The following PPP6R3 variants were observed in gnomAD, a reference collection of about 807,000 sequenced individuals.
The protein encoded by PPP6R3 is serine/threonine-protein phosphatase 6 regulatory subunit 3.
Under a neutral mutation model 110.7 loss-of-function variants are expected in PPP6R3, and 38 were observed. That is an observed-to-expected ratio of 0.34 (90% CI 0.26 to 0.45). PPP6R3 has a LOEUF of 0.45. Ranked by LOEUF, PPP6R3 falls within the 20% of genes least tolerant of loss-of-function variation. The probability of loss-of-function intolerance (pLI) is 1.00; values close to 1 mark genes in which losing one functional copy is unlikely to be tolerated. For missense variants in PPP6R3, 870 were observed against 1,062.4 expected, an observed-to-expected ratio of 0.82 and a Z score of 2.52; for synonymous variants, 369 against 373.5, an observed-to-expected ratio of 0.99 and a Z score of 0.14.
intron 1 of PPP6R3, among the ~76,000 whole-genome samples, chr11:68,499,393 G>A (rs764340778): frequency 6.6e-6 from 1 of 152,122 alleles, no homozygotes; most frequent in Non-Finnish European, 1.5e-5. Context: ...TTTTCACATC[G>A]GCTTTTGCCA....
rs973254900 is a variant in PPP6R3 at position 68,510,398 on chromosome 11, C to T, written c.-157-9103C>T. The stretch of plus-strand genomic sequence containing the variant: ...GGTAGCCCAGGCTGGAGTGCTGTGG[C>T]GCGACACAGTTTACCGTAGCCTCAA... On this transcript the variant is annotated intron_variant, in intron 1 of 23. Transcript: ENST00000393800. 1.4e-4 allele frequency among the ~76,000 whole-genome samples: 21 copies of T among 151,708 alleles called. No homozygotes were observed. In the South Asian group the frequency reaches 2.5e-3, roughly 18 times the overall value.
intron 8 of PPP6R3, among the ~76,000 whole-genome samples, chr11:68,562,486 C>T (rs2099428851): frequency 6.6e-6 from 1 of 152,100 alleles, no homozygotes; most frequent in Non-Finnish European, 1.5e-5. Flanking sequence ...AACAATTTTG[C>T]AAGAGAAAAG....
At chr11:68,517,744 C>G (rs2099144122) in intron 1 of PPP6R3, among the ~76,000 whole-genome samples, 2 of 152,050 alleles carry the variant, frequency 1.3e-5, no homozygotes, top group African/African-American at 4.8e-5. Flanking sequence ...TTGAGACCAG[C>G]CTGGCCAACA....
At chr11:68,516,478 A>G (rs1460014338) in intron 1 of PPP6R3, among the ~76,000 whole-genome samples, 1 of 152,230 alleles carries the variant, frequency 6.6e-6, no homozygotes, top group Non-Finnish European at 1.5e-5. Flanking sequence ...ATATCTCATT[A>G]TGTATATGCA....
At chr11:68,473,741 C>G (rs1318081854) in intron 1 of PPP6R3, among the ~76,000 whole-genome samples, 2 of 152,184 alleles carry the variant, frequency 1.3e-5, no homozygotes, top group African/African-American at 4.8e-5. Flanking sequence ...TGTGTGGTCA[C>G]ATAAGTATCC....
intron 8 of PPP6R3, among the ~76,000 whole-genome samples, chr11:68,561,557 T>C (rs2099420683): frequency 6.6e-6 from 1 of 152,094 alleles, no homozygotes; most frequent in African/African-American, 2.4e-5. Context: ...GTAAGGATAA[T>C]ATATATCATA....
At chr11:68,587,735 C>G (rs1264623844) in intron 15 of PPP6R3, 192 bp from the exon 16 acceptor site, 2 of 664,514 alleles carry the variant, frequency 3.0e-6, no homozygotes, top group Non-Finnish European at 5.4e-6. Flanking sequence ...GATTTGTAGA[C>G]CAAATTTCAA....
At chr11:68,526,399 C>G (rs903671644) in intron 2 of PPP6R3, among the ~76,000 whole-genome samples, 1 of 152,042 alleles carries the variant, frequency 6.6e-6, no homozygotes, top group African/African-American at 2.4e-5. Flanking sequence ...ACCACCATGC[C>G]CGACTGATTT....
intron 4 of PPP6R3, among the ~76,000 whole-genome samples, chr11:68,545,838 A>G (rs1307904614): frequency 6.6e-6 from 1 of 152,236 alleles, no homozygotes; most frequent in Non-Finnish European, 1.5e-5. Context: ...TAGTCATTTT[A>G]TGGAAATAGG....
chr11:68,528,348 C>T (rs1252443926), intron 2 of PPP6R3, among the ~76,000 whole-genome samples: 1 of 149,190 alleles, frequency 6.7e-6, no homozygotes, highest in African/African-American at 2.5e-5. Context: ...TACGATAAAA[C>T]TGGGTTTGAG....
Position 68,558,656 on chromosome 11 carries a change from T to C in PPP6R3, c.822T>C (p.Thr274=). The C allele has an allele frequency of 6.2e-7, 1 of 1,611,440 alleles. No individual in the cohort carries two copies. The highest frequency in any genetic ancestry group is 2.2e-5 in the East Asian group (1 of 44,796). ...TCAGTGCAATCCAGATATTGCTGAC[T>C]TTACTTGAGACACGACGACCAACGT... The part of the protein sequence containing the change: ...AIVSAIQILL[T]LLETRRPTFE... The change falls in exon 8 of 24, where the codon ACT becomes ACC. Residue 274 remains threonine, a synonymous_variant. Coordinates refer to ENST00000393800, the MANE Select transcript of PPP6R3 (RefSeq NM_001164161.2).
At chr11:68,612,802 C>T (rs985158168) in intron 23 of PPP6R3, 13 of 526,684 alleles carry the variant, frequency 2.5e-5, no homozygotes, top group Non-Finnish European at 3.9e-5. Context: ...TTGGAGGCCG[C>T]GGTGGGGCGG....
intron 3 of PPP6R3, among the ~76,000 whole-genome samples, chr11:68,539,385 G>T (rs560620895): frequency 6.6e-6 from 1 of 152,118 alleles, no homozygotes. Flanking sequence ...AAAGTACTGC[G>T]CACCCCCCGC....
intron 1 of PPP6R3, chr11:68,505,262 A>G (rs2099069695): frequency 6.6e-6 from 1 of 152,158 alleles, no homozygotes; most frequent in Admixed American, 6.5e-5. Flanking sequence ...ACCTCCCATA[A>G]TTTTAAGGGG....
chr11:68,476,746 G>A (rs1324578210), intron 1 of PPP6R3, among the ~76,000 whole-genome samples: 1 of 152,044 alleles, frequency 6.6e-6, no homozygotes, highest in South Asian at 2.1e-4. Context: ...TAATAGGGCT[G>A]GTGTGATGGC....
chr11:68,529,193 C>CAA (rs1003101122), intron 2 of PPP6R3, among the ~76,000 whole-genome samples: 2 of 152,158 alleles, frequency 1.3e-5, no homozygotes, highest in African/African-American at 4.8e-5. Flanking sequence ...AATCAATTCT[C>CAA]AGAGATATGT....
chr11:68,600,363 T>C lies in PPP6R3; in HGVS notation c.2061T>C (p.Phe687=), dbSNP rs760539485. ...TAGCACCCAACTGGTCAGCTAACTT[T>C]GATGTCCCAATGGAAACAACCCACG... The part of the protein sequence containing the change: ...LSEPPNWSAN[F]DVPMETTHGA... Residue 687 remains phenylalanine, a synonymous_variant, in exon 20 of 24, where the codon TTT becomes TTC. Transcript: ENST00000393800. 4 of 1,614,052 alleles carry C rather than the reference T, an allele frequency of 2.5e-6. No homozygotes were observed. Among genetic ancestry groups the C allele is most frequent in the Non-Finnish European group, 3.4e-6 (4 of 1,179,930 alleles).
rs1053020575 is a variant in PPP6R3, at chr11:68,527,842, A to G, written c.-7+8191A>G. 2.0e-5 allele frequency among the ~76,000 whole-genome samples: 3 copies of G among 152,030 alleles called. No homozygotes were observed. The South Asian group carries it at 6.2e-4, about 32-fold the overall frequency. On this transcript the variant is annotated intron_variant, in intron 2 of 23. Transcript: ENST00000393800. ...TTCCTGTTGTCCTCAGGGCCTTCTC[A>G]CTGCTGTGACTCCTGAAGCTACTGG...
intron 1 of PPP6R3, among the ~76,000 whole-genome samples, chr11:68,502,558 T>C (rs954798709): frequency 2.0e-5 from 3 of 152,184 alleles, no homozygotes; most frequent in Admixed American, 2.0e-4. Context: ...TTAAAAGATC[T>C]TTATGGATGA....
Sources: allele counts gnomAD v4.1 joint callset (sites outside exome capture counted in the v4.1 genomes callset), GRCh38; gene constraint gnomAD v4.1.1; transcripts MANE v1.5; gene names NCBI Gene and HGNC (gene_info 2026-07-23, HGNC 2026-07-21).